The following HYCC1 variants were observed in gnomAD, a reference collection of about 807,000 sequenced individuals.
The protein encoded by HYCC1 is hyccin.
the HYCC1 span, among the ~76,000 whole-genome samples, chr7:22,953,082 T>C: frequency 6.6e-6 from 1 of 151,994 alleles, no homozygotes; most frequent in Admixed American, 6.6e-5. Flanking sequence ...CTTATTGAGG[T>C]GGATTCAATT....
the HYCC1 span, among the ~76,000 whole-genome samples, chr7:23,007,442 T>C: frequency 6.6e-6 from 1 of 152,060 alleles, no homozygotes; most frequent in African/African-American, 2.4e-5. Flanking sequence ...AGGGACTAAA[T>C]GAAATTAATT....
At chr7:22,949,363 A>C in the HYCC1 span, among the ~76,000 whole-genome samples, 3 of 152,092 alleles carry the variant, frequency 2.0e-5, no homozygotes, top group Non-Finnish European at 4.4e-5. Flanking sequence ...TTTTAACTTC[A>C]AATGTCTCTT....
At chr7:22,919,366 T>C in the HYCC1 span, among the ~76,000 whole-genome samples, 7 of 152,204 alleles carry the variant, frequency 4.6e-5, no homozygotes, top group Admixed American at 1.3e-4. Context: ...CCATCTCTAC[T>C]AAAAACACAA....
chr7:22,907,524 T>C, the HYCC1 span, among the ~76,000 whole-genome samples: 1 of 152,178 alleles, frequency 6.6e-6, no homozygotes, highest in Non-Finnish European at 1.5e-5. Flanking sequence ...GCCAAATATT[T>C]TCCTGGTGCT....
chr7:22,965,143 A>G, the HYCC1 span, among the ~76,000 whole-genome samples: 1 of 151,344 alleles, frequency 6.6e-6, no homozygotes, highest in Non-Finnish European at 1.5e-5. Context: ...AAAAAAAAAA[A>G]AAAAGAAAGA....
chr7:22,975,980 A>C, the HYCC1 span, among the ~76,000 whole-genome samples: 1 of 152,182 alleles, frequency 6.6e-6, no homozygotes, highest in Non-Finnish European at 1.5e-5. Context: ...TCAGGTTCTC[A>C]AAGTGCTGAA....
chr7:22,911,906 A>C, the HYCC1 span, among the ~76,000 whole-genome samples: 4 of 152,232 alleles, frequency 2.6e-5, no homozygotes, highest in Non-Finnish European at 5.9e-5. Flanking sequence ...CTTTTCAAAG[A>C]GAATAATCAG....
the HYCC1 span, among the ~76,000 whole-genome samples, chr7:22,956,976 T>C: frequency 6.6e-6 from 1 of 151,866 alleles, no homozygotes; most frequent in Non-Finnish European, 1.5e-5. Flanking sequence ...TGTGAATAAT[T>C]CTTAACCTTA....
the HYCC1 span, among the ~76,000 whole-genome samples, chr7:22,924,177 CAA>C: frequency 6.0e-4 from 57 of 95,372 alleles, no homozygotes; most frequent in Middle Eastern, 5.4e-3. Flanking sequence ...GACTCTGTAT[CAA>C]AAAAAAAAAA....
the HYCC1 span, among the ~76,000 whole-genome samples, chr7:22,924,933 A>C: frequency 6.6e-6 from 1 of 152,228 alleles, no homozygotes; most frequent in Non-Finnish European, 1.5e-5. Context: ...GGCACCCCCC[A>C]GTAGGCGGGG....
the HYCC1 span, among the ~76,000 whole-genome samples, chr7:22,988,091 T>A: frequency 6.2e-5 from 4 of 64,250 alleles, no homozygotes; most frequent in Admixed American, 1.5e-4. Context: ...CCTGATAACC[T>A]TCTTCTCTTT....
At chr7:22,984,179 T>C in the HYCC1 span, 2 of 628,578 alleles carry the variant, frequency 3.2e-6, no homozygotes, top group African/African-American at 1.8e-5. Context: ...CTAACAGGTA[T>C]GAAGTTTCTT....
chr7:22,973,319 C>T, the HYCC1 span, among the ~76,000 whole-genome samples: 7 of 152,148 alleles, frequency 4.6e-5, no homozygotes, highest in African/African-American at 4.8e-5. Context: ...CTTTTCTATT[C>T]ATCTTAGAAA....
At chr7:22,909,568 G>A in the HYCC1 span, among the ~76,000 whole-genome samples, 1 of 152,158 alleles carries the variant, frequency 6.6e-6, no homozygotes, top group South Asian at 2.1e-4. Flanking sequence ...CCATAAGCGT[G>A]ACTGCTTCTA....
the HYCC1 span, among the ~76,000 whole-genome samples, chr7:22,968,145 C>T: frequency 6.6e-6 from 1 of 152,122 alleles, no homozygotes; most frequent in Admixed American, 6.5e-5. Context: ...GAATGCCAGC[C>T]GCTCCACTAC....
the HYCC1 span, among the ~76,000 whole-genome samples, chr7:22,930,181 G>A: frequency 3.0e-5 from 4 of 131,934 alleles, no homozygotes; most frequent in East Asian, 2.3e-4. Flanking sequence ...ATCACACACC[G>A]GGGACTGTTG....
chr7:22,979,861 A>G, the HYCC1 span, among the ~76,000 whole-genome samples: 10 of 152,212 alleles, frequency 6.6e-5, no homozygotes, highest in Non-Finnish European at 1.3e-4. Flanking sequence ...AAGGGGAGGT[A>G]GAAATATATT....
chr7:23,006,133 GAGT>G, the HYCC1 span, among the ~76,000 whole-genome samples: 156 of 152,300 alleles, frequency 1.0e-3, 1 homozygote, highest in Non-Finnish European at 1.4e-3. Flanking sequence ...AGGGAATGGG[GAGT>G]GCAGTCTGGG....
At chr7:22,976,306 C>CGATTCTGTGCTG in the HYCC1 span, 1 of 1,602,878 alleles carries the variant, frequency 6.2e-7, no homozygotes, top group Non-Finnish European at 8.5e-7. Flanking sequence ...CACTTCAAAC[C>CGATTCTGTGCTG]TAAAGACAAA....
Sources: gnomAD v4.1 joint callset for allele counts (sites outside exome capture counted in the v4.1 genomes callset) on GRCh38, gnomAD v4.1.1 for gene constraint, MANE v1.5 for transcripts, NCBI Gene and HGNC (gene_info 2026-07-23, HGNC 2026-07-21) for gene names.